Variants in CACNA1E observed in about 807,000 individuals in gnomAD.
CACNA1E encodes voltage-dependent R-type calcium channel subunit alpha-1E.
Under a neutral mutation model 259.2 loss-of-function variants are expected in CACNA1E, and 40 were observed. That is an observed-to-expected ratio of 0.15 (90% CI 0.12 to 0.20). The LOEUF (loss-of-function observed/expected upper bound fraction) is 0.20. Ranked by LOEUF, CACNA1E falls within the 10% of genes least tolerant of loss-of-function variation. The pLI, the probability that CACNA1E is intolerant of heterozygous loss-of-function variation, is 1.00. For missense variants in CACNA1E, 1,874 were observed against 3,040.1 expected, an observed-to-expected ratio of 0.62 and a Z score of 9.02; for synonymous variants, 1,104 against 1,138.5, an observed-to-expected ratio of 0.97 and a Z score of 0.61.
chr1:181,538,456 A>G (rs550709279), intron 3 of CACNA1E, among the ~76,000 whole-genome samples: 3 of 152,352 alleles, frequency 2.0e-5, no homozygotes, highest in African/African-American at 4.8e-5. Flanking sequence ...CAGGTGTTCA[A>G]TAAAGTACTG....
intron 6 of CACNA1E, among the ~76,000 whole-genome samples, chr1:181,588,138 A>G (rs1002085936): frequency 7.9e-5 from 12 of 151,906 alleles, no homozygotes; most frequent in African/African-American, 2.9e-4. Context: ...CTGTGGCACC[A>G]CTCCCAGGGT....
chr1:181,657,307 A>T (rs543407242), intron 7 of CACNA1E, among the ~76,000 whole-genome samples: 33 of 152,294 alleles, frequency 2.2e-4, no homozygotes, highest in African/African-American at 7.9e-4. Context: ...ATTTCAGTCA[A>T]AGACTGAAAT....
intron 7 of CACNA1E, among the ~76,000 whole-genome samples, chr1:181,669,605 A>T (rs1256384732): frequency 6.6e-6 from 1 of 152,240 alleles, no homozygotes; most frequent in East Asian, 1.9e-4. Flanking sequence ...GAAGGGCATC[A>T]TGGTGAGTTC....
At chr1:181,373,607 G>C (rs1654866084) in intron 1 of CACNA1E, among the ~76,000 whole-genome samples, 1 of 146,998 alleles carries the variant, frequency 6.8e-6, no homozygotes, top group African/African-American at 2.5e-5. Context: ...GCGCAATCTC[G>C]GCTCACTGCA....
intron 12 of CACNA1E, among the ~76,000 whole-genome samples, chr1:181,718,611 A>C (rs1303451640): frequency 5.6e-5 from 7 of 124,242 alleles, no homozygotes; most frequent in East Asian, 2.5e-4. Flanking sequence ...CCCTCATTCA[A>C]ACACACACAC....
rs1179374080 is a variant in CACNA1E, at chr1:181,756,017, C to T, written c.4051C>T (p.His1351Tyr). Residue 1351 changes from histidine (H) to tyrosine (Y), a missense_variant, in exon 29 of 48, where the codon CAT becomes TAT. Coordinates refer to ENST00000367573, the MANE Select transcript of CACNA1E (RefSeq NM_001205293.3). ...MEVKGREWKRHEFHYDNIIWA... is the reference protein window; with the variant it reads ...MEVKGREWKRYEFHYDNIIWA... The stretch of plus-strand genomic sequence containing the variant: ...GGTGAAGGGCCGGGAATGGAAGCGC[C>T]ATGAATTCCACTACGACAACATTAT... The T allele has an allele frequency of 1.2e-6, 2 of 1,613,884 alleles. No individual in the cohort carries two copies. Among genetic ancestry groups the T allele is most frequent in the Non-Finnish European group, 1.7e-6 (2 of 1,179,824 alleles).
intron 1 of CACNA1E, among the ~76,000 whole-genome samples, chr1:181,346,630 C>T (rs1557930725): frequency 6.6e-6 from 1 of 152,170 alleles, no homozygotes; most frequent in African/African-American, 2.4e-5. Context: ...CCTTAGGACC[C>T]TTCTCTAAGG....
In CACNA1E at chr1:181,483,852, G is replaced by A. The variant is rs1216894151; in HGVS notation, c.108G>A (p.Ala36=). 6.8e-6 allele frequency: 11 copies of A among 1,613,572 alleles called. No homozygotes were observed. The highest frequency in any genetic ancestry group is 1.7e-5 in the Admixed American group (1 of 59,986). The change falls in exon 1 of 48, where the codon GCG becomes GCA. Residue 36 remains alanine, a synonymous_variant. Transcript: ENST00000367573. ...QGTPVPASGQ[A]AAYKQTKAQR... ...CCCCCGTGCCGGCCTCGGGGCAGGCGGCCGCCTACAAGCAGACGAAAGCAC... is the reference window on the plus strand; with the variant it reads ...CCCCCGTGCCGGCCTCGGGGCAGGCAGCCGCCTACAAGCAGACGAAAGCAC...
chr1:181,499,938 G>A (rs561270861), intron 1 of CACNA1E, among the ~76,000 whole-genome samples: 3 of 152,276 alleles, frequency 2.0e-5, no homozygotes, highest in South Asian at 2.1e-4. Context: ...AGCAGGAGCC[G>A]CCTGGGTGTC....
chr1:181,512,546 T>C (rs1201726697), intron 3 of CACNA1E, among the ~76,000 whole-genome samples: 2 of 152,148 alleles, frequency 1.3e-5, no homozygotes, highest in Non-Finnish European at 2.9e-5. Context: ...GGGGTGAAGG[T>C]AGATAAAGTC....
At chr1:181,476,073 G>A (rs1039947168) in intron 2 of CACNA1E, among the ~76,000 whole-genome samples, 9 of 152,060 alleles carry the variant, frequency 5.9e-5, no homozygotes, top group South Asian at 2.1e-4. Flanking sequence ...TGCCAAGAAC[G>A]ATGACCTCTG....
At chr1:181,318,322 C>G (rs1364837939) in intron 1 of CACNA1E, among the ~76,000 whole-genome samples, 2 of 152,202 alleles carry the variant, frequency 1.3e-5, no homozygotes, top group African/African-American at 4.8e-5. Flanking sequence ...CTGCCTGTTC[C>G]TCCTCTGCAC....
chr1:181,645,286 G>A (rs1007545723), intron 6 of CACNA1E, among the ~76,000 whole-genome samples: 13 of 152,192 alleles, frequency 8.5e-5, no homozygotes, highest in African/African-American at 3.1e-4. Flanking sequence ...AGGTTATCTA[G>A]AGGCTGGTTG....
In CACNA1E at chr1:181,733,717, G is replaced by T; in HGVS notation, c.3229G>T (p.Val1077Leu). ...STSVTVAIPD[V>L]DPLVDSTVVH... Reference sequence around the variant, plus strand: ...CAGCGTCACCGTCGCCATCCCCGACGTGGACCCCTTGGTGGACTCAACCGT... The same window carrying T: ...CAGCGTCACCGTCGCCATCCCCGACTTGGACCCCTTGGTGGACTCAACCGT... The change falls in exon 21 of 48, where the codon GTG (valine) becomes TTG (leucine). Residue 1077 changes from valine (V) to leucine (L), a missense_variant. Transcript: ENST00000367573. 6.3e-7 allele frequency: 1 copy of T among 1,581,706 alleles called. No homozygotes were observed. Among genetic ancestry groups the T allele is most frequent in the Admixed American group, 1.8e-5 (1 of 55,896 alleles).
intron 1 of CACNA1E, among the ~76,000 whole-genome samples, chr1:181,369,713 A>G (rs1030636830): frequency 6.6e-6 from 1 of 152,174 alleles, no homozygotes; most frequent in African/African-American, 2.4e-5. Flanking sequence ...AAGATGCCCT[A>G]TGGGCCTCCT....
At position 181,776,235 on chromosome 1, in the gene CACNA1E, AG is replaced by A; in HGVS notation, c.5267+9del. The A allele has an allele frequency of 6.2e-7, 1 of 1,613,920 alleles. No individual in the cohort carries two copies. The highest frequency in any genetic ancestry group is 8.5e-7 in the Non-Finnish European group (1 of 1,179,796). On this transcript the variant is annotated splice_region_variant and intron_variant, in intron 38 of 47. Transcript: ENST00000367573. The surrounding 1 kb of genome is among the most constrained non-coding windows in gnomAD (Gnocchi z 4.4). ...AATATGACCGAGCAGCATGGTGCGT[AG>A]GCCCCTCGGCCGCCCCAGCGGGGCC...
At chr1:181,789,877 T>A (rs1661147559) in intron 43 of CACNA1E, among the ~76,000 whole-genome samples, 1 of 152,176 alleles carries the variant, frequency 6.6e-6, no homozygotes, top group African/African-American at 2.4e-5. Flanking sequence ...CCAAGAGGTT[T>A]TCAACTCCTC....
chr1:181,418,026 A>G (rs1445490296), intron 2 of CACNA1E, among the ~76,000 whole-genome samples: 1 of 152,122 alleles, frequency 6.6e-6, no homozygotes, highest in African/African-American at 2.4e-5. Flanking sequence ...TCCCAGGCAA[A>G]CAAACAGCTG....
At position 181,550,314 on chromosome 1, in the gene CACNA1E, C is replaced by T. The variant is rs150343930; in HGVS notation, c.513-27452C>T. On this transcript the variant is annotated intron_variant, in intron 3 of 47. Transcript: ENST00000367573. ...GGGATGAGGGTGGCTCTGGCTTTGG[C>T]GGTTGGGTGTGTCTTTTGGACTGGG... 9.9e-5 allele frequency among the ~76,000 whole-genome samples: 15 copies of T among 152,082 alleles called. No individual in the cohort carries two copies. In the East Asian group the frequency reaches 1.4e-3, roughly 14 times the overall value.
Sources: gnomAD v4.1 joint callset for allele counts (sites outside exome capture counted in the v4.1 genomes callset) on GRCh38, gnomAD v4.1.1 for gene constraint, Gnocchi (gnomAD v3.1) non-coding constraint, MANE v1.5 for transcripts, NCBI Gene and HGNC (gene_info 2026-07-23, HGNC 2026-07-21) for gene names.